Variants in PAQR8 observed in about 807,000 individuals in gnomAD.
PAQR8 encodes the protein membrane progestin receptor beta.
A neutral mutation model predicts 25.2 loss-of-function variants in PAQR8; 17 were observed. The observed-to-expected ratio is 0.67, with a 90% confidence interval of 0.46 to 1.01. The LOEUF is 1.01. PAQR8 is among the 50% of genes least tolerant of loss of function. PAQR8 has a pLI of 0.00. For missense variants in PAQR8, 392 were observed against 448.4 expected, an observed-to-expected ratio of 0.87 and a Z score of 1.14; for synonymous variants, 204 against 190.6, an observed-to-expected ratio of 1.07 and a Z score of -0.58.
Position 52,403,522 on chromosome 6 carries a change from A to G in PAQR8, c.309A>G (p.Pro103=), listed in dbSNP as rs1438137613. Residue 103 remains proline (P), a synonymous_variant, in exon 2 of 2, where the codon CCA becomes CCG. Coordinates refer to ENST00000442253, the MANE Select transcript of PAQR8 (RefSeq NM_133367.5). ...FWAFAEAEAL[P]WASTHSLPLL... ...CCTTTGCCGAGGCTGAGGCCTTGCC[A>G]TGGGCGTCTACCCACTCCCTGCCTC... is the stretch of plus-strand genomic sequence containing the variant. The G allele has an allele frequency of 6.2e-7, 1 of 1,613,928 alleles. No individual in the cohort carries two copies. Among genetic ancestry groups the G allele is most frequent in the Non-Finnish European group, 8.5e-7 (1 of 1,180,038 alleles).
rs763811113 is a variant in PAQR8, at chr6:52,403,184, C to T, written c.-30C>T. ...CAGGTTGCATACCCTGTCCTGAGGG[C>T]GCGGCACGGAGTGCATGCGGGCCGC... On this transcript the variant is annotated 5_prime_UTR_variant, in exon 2 of 2. Transcript: ENST00000442253. 1.4e-5 allele frequency: 22 copies of T among 1,566,858 alleles called. No homozygotes were observed. Among genetic ancestry groups the T allele is most frequent in the Non-Finnish European group, 1.9e-5 (22 of 1,151,404 alleles).
In PAQR8 at chr6:52,367,224, A is replaced by C. The variant is rs78586508; in HGVS notation, c.-53+4975A>C. 9.7e-3 allele frequency among the ~76,000 whole-genome samples: 1,471 copies of C among 152,274 alleles called. 87 individuals are homozygous for C. The East Asian group carries it at 0.18, about 19-fold the overall frequency. On this transcript the variant is annotated intron_variant, in intron 1 of 1. Coordinates refer to ENST00000442253, the MANE Select transcript of PAQR8 (RefSeq NM_133367.5). ...CTAACCATCCTAAAATGCACAGGAC[A>C]GCCCCGCACAACAAACAGTTATCTG...
chr6:52,372,740 A>G (rs1763434784), intron 1 of PAQR8, among the ~76,000 whole-genome samples: 1 of 149,934 alleles, frequency 6.7e-6, no homozygotes, highest in African/African-American at 2.4e-5. Flanking sequence ...CTCCATATAT[A>G]TATATATATA....
chr6:52,366,436 A>G (rs558043458), intron 1 of PAQR8, among the ~76,000 whole-genome samples: 1 of 152,316 alleles, frequency 6.6e-6, no homozygotes, highest in Admixed American at 6.5e-5. Context: ...AAGAATTCAT[A>G]TGGATTTTAC....
intron 1 of PAQR8, among the ~76,000 whole-genome samples, chr6:52,401,754 G>A (rs1381736509): frequency 6.6e-6 from 1 of 152,110 alleles, no homozygotes; most frequent in African/African-American, 2.4e-5. Flanking sequence ...TTAGTCAGTT[G>A]CTCACCTCAT....
chr6:52,402,964 G>GT (rs770386402), intron 1 of PAQR8, among the ~76,000 whole-genome samples, 198 bp from the exon 2 acceptor site: 11 of 152,146 alleles, frequency 7.2e-5, no homozygotes, highest in Admixed American at 2.0e-4. Context: ...TGCATCTATG[G>GT]TCCTAGCTAC....
chr6:52,376,263 CA>C (rs1377947296), intron 1 of PAQR8, among the ~76,000 whole-genome samples: 1 of 152,136 alleles, frequency 6.6e-6, no homozygotes, highest in Non-Finnish European at 1.5e-5. Flanking sequence ...CCGTAGTCAC[CA>C]AAATCATTGT....
chr6:52,393,333 CTTTTTTTTT>C (rs35079265), intron 1 of PAQR8, among the ~76,000 whole-genome samples: 1 of 111,192 alleles, frequency 9.0e-6, no homozygotes, highest in Non-Finnish European at 1.7e-5. Flanking sequence ...CTTTCTCTCT[CTTTTTTTTT>C]TTTTTTTTTT....
intron 1 of PAQR8, among the ~76,000 whole-genome samples, chr6:52,389,664 C>T (rs1030184205): frequency 6.6e-6 from 1 of 152,204 alleles, no homozygotes; most frequent in Non-Finnish European, 1.5e-5. Flanking sequence ...GGTCTTAGAA[C>T]CACCAGGAGA....
At chr6:52,381,817 A>G (rs532570980) in intron 1 of PAQR8, among the ~76,000 whole-genome samples, 25 of 152,364 alleles carry the variant, frequency 1.6e-4, no homozygotes, top group Non-Finnish European at 2.6e-4. Flanking sequence ...ATGGGCATTT[A>G]GCCTCAGCTG....
chr6:52,363,675 C>A (rs1397939569), intron 1 of PAQR8, among the ~76,000 whole-genome samples: 5 of 152,150 alleles, frequency 3.3e-5, no homozygotes, highest in African/African-American at 4.8e-5. Context: ...AGTGAAGACT[C>A]CTGTTACTGA....
At chr6:52,382,788 G>A (rs1001791574) in intron 1 of PAQR8, among the ~76,000 whole-genome samples, 2 of 152,064 alleles carry the variant, frequency 1.3e-5, no homozygotes, top group Admixed American at 6.6e-5. Flanking sequence ...AGGAAGCTAC[G>A]TTTCAGTTGA....
At chr6:52,394,300 T>C (rs1763742930) in intron 1 of PAQR8, among the ~76,000 whole-genome samples, 1 of 152,236 alleles carries the variant, frequency 6.6e-6, no homozygotes, top group Non-Finnish European at 1.5e-5. Flanking sequence ...TTTTACTGTG[T>C]TTTCAGGGGA....
At chr6:52,380,572 T>C (rs1763547467) in intron 1 of PAQR8, among the ~76,000 whole-genome samples, 2 of 152,248 alleles carry the variant, frequency 1.3e-5, no homozygotes, top group Admixed American at 1.3e-4. Flanking sequence ...TTGATTTCTT[T>C]AGTTATTCCA....
At chr6:52,369,797 A>G (rs1318611024) in intron 1 of PAQR8, among the ~76,000 whole-genome samples, 1 of 152,242 alleles carries the variant, frequency 6.6e-6, no homozygotes. Flanking sequence ...CAGAAATCCC[A>G]TCTTAGCTTT....
chr6:52,402,644 GA>G (rs1440833884), intron 1 of PAQR8, among the ~76,000 whole-genome samples: 1 of 144,220 alleles, frequency 6.9e-6, no homozygotes, highest in Non-Finnish European at 1.5e-5. Flanking sequence ...AAGAAAGAAA[GA>G]AAAAAAAGAA....
chr6:52,364,086 T>TTTTTTTTTTTTTTG (rs1763323891), intron 1 of PAQR8, among the ~76,000 whole-genome samples: 1 of 133,268 alleles, frequency 7.5e-6, no homozygotes, highest in Non-Finnish European at 1.6e-5. Flanking sequence ...AAGATATGTT[T>TTTTTTTTTTTTTTG]TTTTTTTTTT....
At chr6:52,372,623 T>C (rs1022863862) in intron 1 of PAQR8, among the ~76,000 whole-genome samples, 2 of 152,080 alleles carry the variant, frequency 1.3e-5, no homozygotes, top group East Asian at 1.9e-4. Flanking sequence ...CTCTCTCTCT[T>C]AAACTTTCTG....
intron 1 of PAQR8, among the ~76,000 whole-genome samples, chr6:52,387,213 C>G (rs907025083): frequency 3.3e-5 from 5 of 152,204 alleles, no homozygotes; most frequent in Non-Finnish European, 7.4e-5. Flanking sequence ...AGAGAAGGCT[C>G]TGGATAGTGC....
Sources: gnomAD v4.1 joint callset for allele counts (sites outside exome capture counted in the v4.1 genomes callset) on GRCh38, gnomAD v4.1.1 for gene constraint, MANE v1.5 for transcripts, NCBI Gene and HGNC (gene_info 2026-07-23, HGNC 2026-07-21) for gene names.